ATP6V1C2: variants seen among roughly 807,000 people sequenced by gnomAD.
The protein encoded by ATP6V1C2 is ATPase H+ transporting V1 subunit C2.
A neutral mutation model predicts 56.8 loss-of-function variants in ATP6V1C2; 45 were observed. The ratio of observed to expected loss-of-function variants is 0.79; its 90% CI spans 0.62 to 1.02. The LOEUF (loss-of-function observed/expected upper bound fraction) is 1.02. Among genes scored for constraint, ATP6V1C2 ranks in the 50% least tolerant of loss-of-function variants. The pLI, the probability that ATP6V1C2 is intolerant of heterozygous loss-of-function variation, is 0.00. For synonymous variants in ATP6V1C2, 220 were observed against 201.3 expected, an observed-to-expected ratio of 1.09 and a Z score of -0.79; for missense variants, 463 against 519.7, an observed-to-expected ratio of 0.89 and a Z score of 1.06.
At chr2:10,741,713 T>C (rs1158053258) in intron 3 of ATP6V1C2, among the ~76,000 whole-genome samples, 11 of 266 alleles carry the variant, frequency 0.041, no homozygotes, top group Admixed American at 0.37. Flanking sequence ...TGGGCCTCTG[T>C]GCACTCCATT....
chr2:10,722,031 C>T, intron 1 of ATP6V1C2, among the ~76,000 whole-genome samples: 1 of 152,200 alleles, frequency 6.6e-6, no homozygotes, highest in Admixed American at 6.5e-5. Flanking sequence ...GAGGTTCCAC[C>T]AGGGGTCTCT....
In ATP6V1C2 at chr2:10,780,626, G is replaced by C. The variant is rs1392969743; in HGVS notation, c.1062-1617G>C. ...ACATGGCCCCAGATCAACCCTGCCC[G>C]GCTCAGAAGTCGGTTGCTCTCAGGC... On this transcript the variant is annotated intron_variant, in intron 12 of 13. Coordinates refer to ENST00000272238, the MANE Select transcript of ATP6V1C2 (RefSeq NM_001039362.2). The surrounding 1 kb of genome is among the most constrained non-coding windows in gnomAD (Gnocchi z 4.1). 6.6e-6 allele frequency among the ~76,000 whole-genome samples: 1 copy of C among 152,224 alleles called. No individual in the cohort carries two copies. Among genetic ancestry groups the C allele is most frequent in the East Asian group, 1.9e-4 (1 of 5,198 alleles).
At chr2:10,754,846 G>A (rs975772426) in intron 4 of ATP6V1C2, among the ~76,000 whole-genome samples, 3 of 150,184 alleles carry the variant, frequency 2.0e-5, no homozygotes, top group Non-Finnish European at 3.0e-5. Flanking sequence ...CAAAGTGCTG[G>A]GATTACAGGC....
intron 10 of ATP6V1C2, among the ~76,000 whole-genome samples, chr2:10,776,060 T>A (rs982930815): frequency 6.6e-6 from 1 of 152,098 alleles, no homozygotes; most frequent in Non-Finnish European, 1.5e-5. Flanking sequence ...CTGGCCTGTC[T>A]GTCAGCGACC....
At chr2:10,755,251 G>C (rs1055153087) in intron 4 of ATP6V1C2, among the ~76,000 whole-genome samples, 1 of 151,464 alleles carries the variant, frequency 6.6e-6, no homozygotes, top group African/African-American at 2.4e-5. Flanking sequence ...GGTCAGGCTG[G>C]TCTCGAACTC....
At chr2:10,768,686 G>T in intron 5 of ATP6V1C2, 33 bp from the exon 6 acceptor site, 3 of 1,589,630 alleles carry the variant, frequency 1.9e-6, no homozygotes, top group Non-Finnish European at 2.6e-6. Context: ...TCAATGCTCA[G>T]GGTCACCTGG....
chr2:10,775,110 G>C, intron 10 of ATP6V1C2, 39 bp downstream of exon 10: 1 of 1,502,688 alleles, frequency 6.7e-7, no homozygotes, highest in Non-Finnish European at 9.3e-7. Flanking sequence ...GCCCCTACCC[G>C]GAGGCCTGGG....
intron 6 of ATP6V1C2, 77 bp from the exon 7 acceptor site, chr2:10,771,762 G>C (rs778935894): frequency 8.9e-7 from 1 of 1,119,700 alleles, no homozygotes; most frequent in Non-Finnish European, 1.4e-6. Flanking sequence ...CCCAGTGCCC[G>C]GGTGTGGGTG....
intron 3 of ATP6V1C2, among the ~76,000 whole-genome samples, chr2:10,751,403 A>G (rs573831373): frequency 6.6e-6 from 1 of 152,320 alleles, no homozygotes; most frequent in South Asian, 2.1e-4. Flanking sequence ...GATAAGGAGT[A>G]TCATCCCCAT....
Position 10,780,426 on chromosome 2 carries a change from A to G in ATP6V1C2, c.1061+1757A>G, listed in dbSNP as rs1254594126. Among the ~76,000 whole-genome samples, 1 of 152,134 alleles carries G rather than the reference A, an allele frequency of 6.6e-6. No individual in the cohort carries two copies. Among genetic ancestry groups the G allele is most frequent in the Non-Finnish European group, 1.5e-5 (1 of 68,022 alleles). On this transcript the variant is annotated intron_variant, in intron 12 of 13. Coordinates refer to ENST00000272238, the MANE Select transcript of ATP6V1C2 (RefSeq NM_001039362.2). The surrounding 1 kb of genome is among the most constrained non-coding windows in gnomAD (Gnocchi z 4.1). ...GTGGCTGTCAGTGTGTGGTCTGCCC[A>G]GATACAGATCTGACCTTGGTTCCTG...
At chr2:10,771,771 T>G in intron 6 of ATP6V1C2, 68 bp from the exon 7 acceptor site, 4 of 1,235,972 alleles carry the variant, frequency 3.2e-6, no homozygotes, top group Non-Finnish European at 3.6e-6. Context: ...CGGGTGTGGG[T>G]GTGTGTGGGG....
intron 3 of ATP6V1C2, among the ~76,000 whole-genome samples, chr2:10,731,737 G>C (rs1661963595): frequency 6.6e-6 from 1 of 152,160 alleles, no homozygotes; most frequent in African/African-American, 2.4e-5. Context: ...ACTTTGGGAG[G>C]CTGAGATGGG....
At chr2:10,771,018 G>A (rs1664566436) in intron 6 of ATP6V1C2, among the ~76,000 whole-genome samples, 1 of 152,234 alleles carries the variant, frequency 6.6e-6, no homozygotes, top group Non-Finnish European at 1.5e-5. Context: ...CTAGGACAGG[G>A]AGGCTCATGC....
chr2:10,757,367 C>A (rs1572562950), intron 4 of ATP6V1C2: 2 of 398,412 alleles, frequency 5.0e-6, no homozygotes, highest in East Asian at 3.6e-5. Flanking sequence ...TCCTACCCCA[C>A]CTGTGATCTT....
chr2:10,755,316 G>A (rs1005874333), intron 4 of ATP6V1C2, among the ~76,000 whole-genome samples: 5 of 152,114 alleles, frequency 3.3e-5, no homozygotes, highest in Admixed American at 6.5e-5. Context: ...GATGACAGGC[G>A]TGAGCCACCG....
chr2:10,768,825 G>A lies in ATP6V1C2; in HGVS notation c.470+15G>A. The A allele has an allele frequency of 6.2e-7, 1 of 1,610,720 alleles. No individual in the cohort carries two copies. The highest frequency in any genetic ancestry group is 8.5e-7 in the Non-Finnish European group (1 of 1,177,404). ...AAGAAATCCATGTGTGTATTTGCCA[G>A]CCTCCACATCTGGCGGGGGCAGGTC... On this transcript the variant is annotated intron_variant, in intron 6 of 13. Transcript: ENST00000272238.
chr2:10,759,042 C>A (rs1305431544), intron 4 of ATP6V1C2, among the ~76,000 whole-genome samples: 1 of 152,214 alleles, frequency 6.6e-6, no homozygotes, highest in Non-Finnish European at 1.5e-5. Flanking sequence ...TTCTGCAGGG[C>A]ACCCATGAAC....
At chr2:10,743,087 C>T (rs1256084551) in intron 3 of ATP6V1C2, among the ~76,000 whole-genome samples, 1 of 152,142 alleles carries the variant, frequency 6.6e-6, no homozygotes, top group Non-Finnish European at 1.5e-5. Context: ...CCTTTATTTA[C>T]TCACTGCTTT....
Position 10,765,420 on chromosome 2 carries a change from A to G in ATP6V1C2, c.378+995A>G, listed in dbSNP as rs560517653. ...TGTGTCCCCTCTCCTGCTGGCCCCC[A>G]TGGCTGTGGGAGAGTCTCGGCCTGG... On this transcript the variant is annotated intron_variant, in intron 5 of 13. Transcript: ENST00000272238. 9.3e-4 allele frequency among the ~76,000 whole-genome samples: 141 copies of G among 152,286 alleles called. 1 individual carries two copies. The highest frequency in any genetic ancestry group is 3.3e-3 in the African/African-American group (136 of 41,560).
Sources: allele counts gnomAD v4.1 joint callset (sites outside exome capture counted in the v4.1 genomes callset), GRCh38; gene constraint gnomAD v4.1.1; non-coding constraint Gnocchi (gnomAD v3.1); transcripts MANE v1.5; gene names NCBI Gene and HGNC (gene_info 2026-07-23, HGNC 2026-07-21).